Variants in DDX56 observed in about 807,000 individuals in gnomAD.
DDX56 encodes the protein probable ATP-dependent RNA helicase DDX56.
In DDX56, 45 loss-of-function variants were observed where a neutral mutation model predicts 61.5. The observed-to-expected ratio is 0.73, with a 90% CI of 0.58 to 0.94. DDX56 has a LOEUF of 0.94. DDX56 is among the 40% of genes least tolerant of loss of function. The pLI is 0.00. For synonymous variants in DDX56, 273 were observed against 268.3 expected (o/e 1.02, Z -0.17); for missense variants, 708 against 690.7 (o/e 1.02, Z -0.28).
At chr7:44,568,566 T>G (rs1802596782) in intron 11 of DDX56, among the ~76,000 whole-genome samples, 1 of 152,092 alleles carries the variant, frequency 6.6e-6, no homozygotes, top group African/African-American at 2.4e-5. Context: ...CATCTTTTGG[T>G]TCCATGATAA....
In DDX56 at chr7:44,570,994, C is replaced by T. The variant is rs77078722; in HGVS notation, c.891-117G>A. On this transcript the variant is annotated intron_variant, in intron 6 of 13. Transcript: ENST00000258772. ...CTTTTTCCTCTTCTTAATCTCTTTCCCTACTTAATCATTGTGCCTCAGTTT... is the reference window on the plus strand; with the variant it reads ...CTTTTTCCTCTTCTTAATCTCTTTCTCTACTTAATCATTGTGCCTCAGTTT... 916 of 1,285,842 alleles carry T rather than the reference C, an allele frequency of 7.1e-4. 4 individuals are homozygous for T. The African/African-American group carries it at 0.013, about 18-fold the overall frequency. 79.7% of individuals were successfully genotyped at this position (1,285,842 alleles called of 1,614,324 possible).
At chr7:44,571,347 A>T in intron 6 of DDX56, 145 bp downstream of exon 6, 1 of 939,518 alleles carries the variant, frequency 1.1e-6, no homozygotes, top group Non-Finnish European at 1.6e-6. Context: ...CGGCCATGAT[A>T]GGTATTTTGG....
chr7:44,568,966 C>T lies in DDX56; in HGVS notation c.1320G>A (p.Gln440=). The T allele has an allele frequency of 6.2e-7, 1 of 1,614,176 alleles. No individual in the cohort carries two copies. Residue 440 remains glutamine, a synonymous_variant, in exon 11 of 14, where the codon CAG becomes CAA. Coordinates refer to ENST00000258772, the MANE Select transcript of DDX56 (RefSeq NM_019082.4). The part of the protein sequence containing the change: ...CRDAMRSVTK[Q]AIREARLKEI... Reference sequence around the variant, plus strand: ...CCTTCAATCTTGCCTCCCGAATGGCCTGCTTAGTCACTGAGCGCATGGCAT... The same window carrying T: ...CCTTCAATCTTGCCTCCCGAATGGCTTGCTTAGTCACTGAGCGCATGGCAT...
rs746566080 is a variant in DDX56, at chr7:44,571,572, C to T, written c.810G>A (p.Arg270=). ...CCAAGAACAGGCGTAGCCGGTAACT[C>T]CGTTCTAGAGTGTTGACAAAGAGCA... The part of the protein sequence containing the change: ...KSLLFVNTLE[R]SYRLRLFLEQ... Residue 270 remains arginine (R), a synonymous_variant, in exon 6 of 14, where the codon CGG becomes CGA. Coordinates refer to ENST00000258772, the MANE Select transcript of DDX56 (RefSeq NM_019082.4). 1.4e-5 allele frequency: 22 copies of T among 1,614,028 alleles called. No homozygotes were observed. The Admixed American group carries it at 3.3e-4, about 24-fold the overall frequency.
intron 8 of DDX56, 55 bp downstream of exon 8, chr7:44,569,960 C>G: frequency 6.2e-7 from 1 of 1,612,950 alleles, no homozygotes; most frequent in Non-Finnish European, 8.5e-7. Flanking sequence ...GTCCAGCACA[C>G]CCCAAGTCCC....
At chr7:44,568,865 T>C (rs1016928118) in intron 11 of DDX56, 38 bp downstream of exon 11, 2 of 1,551,734 alleles carry the variant, frequency 1.3e-6, no homozygotes, top group Non-Finnish European at 1.8e-6. Context: ...AGGGCAGCCG[T>C]CTAAGATCTA....
In DDX56 at chr7:44,573,741, CAGCCTAGG is replaced by C. The variant is rs751113117; in HGVS notation, c.61-5_63del. ...GGTCGCGACCAGCCCAGATCGGTGA[CAGCCTAGG>C]AGACCAGGAGTGCGGTTTAAGCGGC... On this transcript the variant is annotated splice_acceptor_variant and splice_polypyrimidine_tract_variant and coding_sequence_variant and intron_variant, in exon 2 of 14. Coordinates refer to ENST00000258772, the MANE Select transcript of DDX56 (RefSeq NM_019082.4). LOFTEE classifies it high-confidence loss of function. The C allele has an allele frequency of 6.2e-7, 1 of 1,613,566 alleles. No homozygotes were observed. The highest frequency in any genetic ancestry group is 2.2e-5 in the East Asian group (1 of 44,870).
chr7:44,571,784 A>G (rs373548733), intron 5 of DDX56, 48 bp from the exon 6 acceptor site: 24 of 1,604,156 alleles, frequency 1.5e-5, no homozygotes, highest in Non-Finnish European at 2.0e-5. Context: ...GAACACAGAG[A>G]TGTATGGCCA....
At position 44,573,858 on chromosome 7, in the gene DDX56, C is replaced by T; in HGVS notation, c.38G>A (p.Gly13Asp). The T allele has an allele frequency of 6.2e-7, 1 of 1,613,318 alleles. No individual in the cohort carries two copies. Among genetic ancestry groups the T allele is most frequent in the African/African-American group, 1.3e-5 (1 of 75,074 alleles). ...DSEALGFEHM[G>D]LDPRLLQAVT... ...TACCTGAAGGAGCCGGGGATCGAGG[C>T]CCATGTGTTCGAAGCCCAGTGCTTC... Residue 13 changes from glycine (G) to aspartate (D), a missense_variant, in exon 1 of 14, where the codon GGC (glycine) becomes GAC (aspartate). By Grantham distance (94) the Gly-to-Asp change is moderately conservative. Transcript: ENST00000258772.
chr7:44,572,124 G>A (rs1802690816), intron 5 of DDX56, among the ~76,000 whole-genome samples: 1 of 152,186 alleles, frequency 6.6e-6, no homozygotes, highest in Non-Finnish European at 1.5e-5. Flanking sequence ...CCTTGCTCAG[G>A]ATTTTAGGCA....
At chr7:44,570,725 T>G in intron 7 of DDX56, 33 bp downstream of exon 7, 1 of 1,582,028 alleles carries the variant, frequency 6.3e-7, no homozygotes, top group Non-Finnish European at 8.6e-7. Flanking sequence ...CAGGCATTTC[T>G]GGGGAGGGAT....
chr7:44,573,416 C>T (rs1802731415), intron 2 of DDX56, among the ~76,000 whole-genome samples, 167 bp downstream of exon 2: 1 of 152,242 alleles, frequency 6.6e-6, no homozygotes, highest in African/African-American at 2.4e-5. Context: ...GGACAAGGAT[C>T]CAGGTAACCT....
Position 44,573,584 on chromosome 7 carries a change from G to T in DDX56, c.221C>A (p.Ala74Glu). ...CCCCTCAGCTCTCTCGTTACCCACC[G>T]CCTTCCTATGGAGCAACAGCTGCAG... ...PMLQLLLHRK[A>E]TGPVVEQAVR... Residue 74 changes from alanine (A) to glutamate (E), a missense_variant and splice_region_variant, in exon 2 of 14, where the codon GCG becomes GAG. Physicochemically the swap from Ala to Glu is moderately radical, Grantham distance 107. Transcript: ENST00000258772. 1.9e-6 allele frequency: 3 copies of T among 1,612,934 alleles called. No individual in the cohort carries two copies. Among genetic ancestry groups the T allele is most frequent in the Non-Finnish European group, 1.7e-6 (2 of 1,179,310 alleles).
chr7:44,566,152 T>C lies in DDX56; in HGVS notation c.1567-73A>G, dbSNP rs574577950. 8.8e-6 allele frequency: 5 copies of C among 569,076 alleles called. No homozygotes were observed. The African/African-American group carries it at 1.4e-4, about 15-fold the overall frequency. 35.3% of individuals were successfully genotyped at this position (569,076 alleles called of 1,614,324 possible). On this transcript the variant is annotated intron_variant, in intron 13 of 13. Coordinates refer to ENST00000258772, the MANE Select transcript of DDX56 (RefSeq NM_019082.4). ...CAATCCACCCACCCACCCACCCAACTGAGAAAGACACAAAGGGAGCCGTGC... is the reference window on the plus strand; with the variant it reads ...CAATCCACCCACCCACCCACCCAACCGAGAAAGACACAAAGGGAGCCGTGC...
intron 12 of DDX56, 73 bp downstream of exon 12, chr7:44,568,045 G>T (rs1413756130): frequency 8.1e-7 from 1 of 1,229,226 alleles, no homozygotes; most frequent in Non-Finnish European, 1.2e-6. Context: ...AAGCACAGGG[G>T]CTGACCCAGC....
At chr7:44,573,073 C>T (rs1802719945) in intron 2 of DDX56, 23 bp from the exon 3 acceptor site, 1 of 1,542,190 alleles carries the variant, frequency 6.5e-7, no homozygotes, top group Non-Finnish European at 8.7e-7. Flanking sequence ...GAATTAAAGA[C>T]TTTAGCCAGC....
chr7:44,568,308 C>A, intron 11 of DDX56, 85 bp from the exon 12 acceptor site: 1 of 967,276 alleles, frequency 1.0e-6, no homozygotes, highest in Non-Finnish European at 1.5e-6. Flanking sequence ...ATAACACACT[C>A]ATGTGTTTCA....
At position 44,569,110 on chromosome 7, in the gene DDX56, T is replaced by G; in HGVS notation, c.1293+20A>C. 6.2e-7 allele frequency: 1 copy of G among 1,613,276 alleles called. No individual in the cohort carries two copies. Among genetic ancestry groups the G allele is most frequent in the African/African-American group, 1.3e-5 (1 of 74,912 alleles). ...CACAGCCCCTCCCCTCTCATTCCCC[T>G]CCCCACCACAGCAGCTCACCCTGCA... On this transcript the variant is annotated intron_variant, in intron 10 of 13. Coordinates refer to ENST00000258772, the MANE Select transcript of DDX56 (RefSeq NM_019082.4).
intron 7 of DDX56, among the ~76,000 whole-genome samples, chr7:44,570,416 A>G (rs1287069082): frequency 6.6e-6 from 1 of 152,214 alleles, no homozygotes; most frequent in Non-Finnish European, 1.5e-5. Flanking sequence ...CTTCAGCTGG[A>G]CAGAGACTGG....
Sources: gnomAD v4.1 joint callset for allele counts (sites outside exome capture counted in the v4.1 genomes callset) on GRCh38, gnomAD v4.1.1 for gene constraint, MANE v1.5 for transcripts, NCBI Gene and HGNC (gene_info 2026-07-23, HGNC 2026-07-21) for gene names.